Variants in ELSPBP1 observed in about 807,000 individuals in gnomAD.
ELSPBP1 encodes epididymal sperm binding protein 1.
ELSPBP1 carries 38 observed loss-of-function variants against 33.3 expected under a neutral mutation model. That is an observed-to-expected ratio of 1.14 (90% CI 0.88 to 1.50). The LOEUF (loss-of-function observed/expected upper bound fraction) is 1.50, where lower values mean the gene tolerates loss of function less well. ELSPBP1 is among the 40% of genes most tolerant of loss of function. ELSPBP1 has a pLI of 0.00. For synonymous variants in ELSPBP1, 85 were observed against 94.1 expected (o/e 0.90, Z 0.56); for missense variants, 267 against 263.5 (o/e 1.01, Z -0.09).
At position 48,014,220 on chromosome 19, in the gene ELSPBP1, C is replaced by G; in HGVS notation, c.120C>G (p.Tyr40Ter). 6.2e-7 allele frequency: 1 copy of G among 1,614,072 alleles called. No homozygotes were observed. The highest frequency in any genetic ancestry group is 8.5e-7 in the Non-Finnish European group (1 of 1,179,972). The change falls in exon 3 of 7, where the codon TAC becomes TAG. Residue 40 changes from tyrosine (Y) to a stop codon, truncating the protein, a stop_gained. Coordinates refer to ENST00000339841, the MANE Select transcript of ELSPBP1 (RefSeq NM_022142.5). LOFTEE classifies it high-confidence loss of function. The part of the protein sequence containing the change: ...VFPFTYKGSV[Y>*]FTCTHIHSLS... Reference sequence around the variant, plus strand: ...CTTTCACCTACAAGGGATCTGTTTACTTCACTTGCACCCATATTCATAGCT... The same window carrying G: ...CTTTCACCTACAAGGGATCTGTTTAGTTCACTTGCACCCATATTCATAGCT...
intron 2 of ELSPBP1, among the ~76,000 whole-genome samples, chr19:48,009,704 A>T (rs181847293): frequency 7.6e-5 from 8 of 105,890 alleles, no homozygotes; most frequent in African/African-American, 2.3e-4. Flanking sequence ...TTTACGTTTT[A>T]AAAAAAGTGT....
At chr19:47,995,688 A>G (rs1966905875) in intron 1 of ELSPBP1, among the ~76,000 whole-genome samples, 1 of 152,154 alleles carries the variant, frequency 6.6e-6, no homozygotes, top group African/African-American at 2.4e-5. Flanking sequence ...TTGAAGGTAC[A>G]CTATACTTCA....
rs1156987915 is a variant in ELSPBP1 at position 48,011,281 on chromosome 19, G to T, written c.70+2544G>T. On this transcript the variant is annotated intron_variant, in intron 2 of 6. Transcript: ENST00000339841. The surrounding 1 kb of genome is among the most constrained non-coding windows in gnomAD (Gnocchi z 4.5). ...TAATGATGATGACAATGACGATGAT[G>T]ATCACCATGATAATGACAATAATGA... Among the ~76,000 whole-genome samples the T allele has an allele frequency of 2.0e-5, 3 of 151,638 alleles. No individual in the cohort carries two copies. The highest frequency in any genetic ancestry group is 7.3e-5 in the African/African-American group (3 of 41,242).
intron 4 of ELSPBP1, among the ~76,000 whole-genome samples, chr19:48,017,762 G>T (rs758065677): frequency 1.3e-5 from 2 of 151,932 alleles, no homozygotes; most frequent in Non-Finnish European, 2.9e-5. Context: ...TGATCATGGT[G>T]GTGCGTGCCT....
At chr19:48,023,150 G>A (rs1487030801) in intron 6 of ELSPBP1, among the ~76,000 whole-genome samples, 5 of 148,806 alleles carry the variant, frequency 3.4e-5, no homozygotes, top group African/African-American at 1.2e-4. Flanking sequence ...AAGAAAGGAG[G>A]GAGGGAGGGA....
Position 48,024,036 on chromosome 19 carries a change from A to ATT in ELSPBP1, c.*8-898_*8-897dup, listed in dbSNP as rs111833936. Among the ~76,000 whole-genome samples, 169 of 131,914 alleles carry ATT rather than the reference A, an allele frequency of 1.3e-3. 2 individuals are homozygous for ATT. The highest frequency in any genetic ancestry group is 3.8e-3 in the African/African-American group (139 of 36,254). 86.5% of individuals were successfully genotyped at this position (131,914 alleles called of 152,430 possible). ...CAGGGGTGTGCCACCATGCCCAGCA[A>ATT]TTTTTTTTTTTTTTTTTTTGTATTT... On this transcript the variant is annotated intron_variant, in intron 6 of 6. Transcript: ENST00000339841.
intron 1 of ELSPBP1, among the ~76,000 whole-genome samples, chr19:47,997,077 C>T (rs1204359667): frequency 6.6e-6 from 1 of 152,104 alleles, no homozygotes; most frequent in African/African-American, 2.4e-5. Flanking sequence ...TTAAATGTCA[C>T]TCTGCTAGGC....
chr19:48,008,620 G>A, intron 1 of ELSPBP1, 31 bp from the exon 2 acceptor site: 1 of 1,526,820 alleles, frequency 6.5e-7, no homozygotes. Flanking sequence ...GGGGACGTGT[G>A]GGATGAAAAT....
rs116449615 is a variant in ELSPBP1, at chr19:48,014,014, A to G, written c.71-157A>G. Among the ~76,000 whole-genome samples, 619 of 152,240 alleles carry G rather than the reference A, an allele frequency of 4.1e-3. 5 individuals carry two copies. Among genetic ancestry groups the G allele is most frequent in the African/African-American group, 0.014 (585 of 41,540 alleles). Reference sequence around the variant, plus strand: ...TCACCTTCCAAAGGCCCCTCGTACCATGACCGTGGGGGTTAGGATTTTAAC... The same window carrying G: ...TCACCTTCCAAAGGCCCCTCGTACCGTGACCGTGGGGGTTAGGATTTTAAC... On this transcript the variant is annotated intron_variant, in intron 2 of 6. Coordinates refer to ENST00000339841, the MANE Select transcript of ELSPBP1 (RefSeq NM_022142.5).
chr19:48,003,946 A>ATTCTG, intron 1 of ELSPBP1, among the ~76,000 whole-genome samples: 1 of 73,002 alleles, frequency 1.4e-5, no homozygotes, highest in South Asian at 4.5e-4. Context: ...ATTCTATTCT[A>ATTCTG]TTCTATTCTA....
chr19:48,014,675 A>G (rs911256941), intron 3 of ELSPBP1, among the ~76,000 whole-genome samples: 1 of 151,864 alleles, frequency 6.6e-6, no homozygotes, highest in Admixed American at 6.6e-5. Context: ...AATTATAATA[A>G]TAATAAAATT....
intron 6 of ELSPBP1, among the ~76,000 whole-genome samples, chr19:48,024,338 A>G (rs555945008): frequency 1.3e-5 from 2 of 152,250 alleles, no homozygotes; most frequent in Admixed American, 6.5e-5. Context: ...AATCTCCCGC[A>G]TGGATCAACT....
At chr19:48,009,136 CAAAA>C (rs59636614) in intron 2 of ELSPBP1, among the ~76,000 whole-genome samples, 7 of 136,376 alleles carry the variant, frequency 5.1e-5, no homozygotes, top group Non-Finnish European at 3.1e-5. Flanking sequence ...AACTCCCTCT[CAAAA>C]AAAAAAAAAA....
At chr19:48,010,362 C>G (rs1274104058) in intron 2 of ELSPBP1, among the ~76,000 whole-genome samples, 1 of 152,128 alleles carries the variant, frequency 6.6e-6, no homozygotes, top group Non-Finnish European at 1.5e-5. Flanking sequence ...TGGTGAAACT[C>G]AGTATTCCAA....
rs567700364 is a variant in ELSPBP1, at chr19:48,014,686, T to TA, written c.208+385dup. Among the ~76,000 whole-genome samples the TA allele has an allele frequency of 6.5e-3, 980 of 151,120 alleles. 5 individuals carry two copies. The highest frequency in any genetic ancestry group is 6.6e-3 in the Non-Finnish European group (449 of 67,856). ...CTTAAATTATAATAATAATAAAATT[T>TA]AAAAAAATCAGTGATAATGTAATGG... On this transcript the variant is annotated intron_variant, in intron 3 of 6. Transcript: ENST00000339841.
At chr19:48,024,286 T>C (rs1295838552) in intron 6 of ELSPBP1, among the ~76,000 whole-genome samples, 1 of 152,146 alleles carries the variant, frequency 6.6e-6, no homozygotes, top group Non-Finnish European at 1.5e-5. Context: ...GGTGGTTATT[T>C]AAGCTTGAAA....
intron 2 of ELSPBP1, among the ~76,000 whole-genome samples, chr19:48,012,665 C>CA (rs1325508869): frequency 1.3e-5 from 2 of 152,128 alleles, no homozygotes; most frequent in African/African-American, 4.8e-5. Flanking sequence ...ATACACTGCA[C>CA]AAAAAACAAA....
At chr19:48,006,996 T>C (rs964751254) in intron 1 of ELSPBP1, among the ~76,000 whole-genome samples, 2 of 152,196 alleles carry the variant, frequency 1.3e-5, no homozygotes, top group African/African-American at 4.8e-5. Flanking sequence ...GCCACCTACC[T>C]GTGGGAGGAC....
intron 5 of ELSPBP1, among the ~76,000 whole-genome samples, chr19:48,021,411 T>G (rs899744566): frequency 2.0e-5 from 3 of 150,414 alleles, no homozygotes; most frequent in African/African-American, 4.9e-5. Flanking sequence ...TTTTTAGTTT[T>G]TTTTTTTTTT....
Sources: allele counts gnomAD v4.1 joint callset (sites outside exome capture counted in the v4.1 genomes callset), GRCh38; gene constraint gnomAD v4.1.1; non-coding constraint Gnocchi (gnomAD v3.1); transcripts MANE v1.5; gene names NCBI Gene and HGNC (gene_info 2026-07-23, HGNC 2026-07-21).